SLC38A4: variants seen among roughly 807,000 people sequenced by gnomAD.
SLC38A4 encodes sodium-coupled neutral amino acid transporter 4.
Under a neutral mutation model 63.1 loss-of-function variants are expected in SLC38A4, and 20 were observed. That is an observed-to-expected ratio of 0.32 (90% CI 0.22 to 0.46). The LOEUF is 0.46. SLC38A4 is among the 20% of genes least tolerant of loss of function. SLC38A4 has a pLI of 1.00. For synonymous variants in SLC38A4, 230 were observed against 225.5 expected, an observed-to-expected ratio of 1.02 and a Z score of -0.18; for missense variants, 526 against 663.6, an observed-to-expected ratio of 0.79 and a Z score of 2.28.
intron 5 of SLC38A4, among the ~76,000 whole-genome samples, chr12:46,786,828 T>C (rs1205849796): frequency 6.6e-6 from 1 of 152,158 alleles, no homozygotes; most frequent in East Asian, 1.9e-4. Context: ...AGCTGTGTGA[T>C]TACTAATCAT....
At chr12:46,785,401 T>TTC (rs1286359666) in intron 5 of SLC38A4, among the ~76,000 whole-genome samples, 3 of 151,714 alleles carry the variant, frequency 2.0e-5, no homozygotes, top group Non-Finnish European at 4.4e-5. Flanking sequence ...GTCCCTAACT[T>TTC]TTTTAATGTT....
intron 2 of SLC38A4, among the ~76,000 whole-genome samples, chr12:46,796,278 G>A (rs3764027): frequency 0.053 from 7,984 of 151,616 alleles, 523 homozygotes; most frequent in East Asian, 0.26. Context: ...TTGTTTTATG[G>A]ATACTATATT....
chr12:46,785,313 T>A, intron 5 of SLC38A4, 136 bp from the exon 6 acceptor site: 1 of 681,450 alleles, frequency 1.5e-6, no homozygotes, highest in Non-Finnish European at 2.5e-6. Context: ...TGGGGGAGGC[T>A]GAGAAATTCT....
In SLC38A4 at chr12:46,787,951, G is replaced by A. The variant is rs564468243; in HGVS notation, c.291C>T (p.Ser97=). ...AIMGSGILGL[S]YAMANTGIIL... ...TGATCCCTGTGTTGGCCATGGCATA[G>A]GACAAGCCCAGGATCCCACTGCCCA... The change falls in exon 5 of 17, where the codon TCC becomes TCT. Residue 97 remains serine, a synonymous_variant. Transcript: ENST00000266579. The A allele has an allele frequency of 1.9e-6, 3 of 1,613,706 alleles. No homozygotes were observed. Among genetic ancestry groups the A allele is most frequent in the Admixed American group, 3.3e-5 (2 of 59,964 alleles).
chr12:46,827,572 A>G (rs140998487), upstream of SLC38A4, among the ~76,000 whole-genome samples: 17 of 152,330 alleles, frequency 1.1e-4, no homozygotes, highest in African/African-American at 3.8e-4. Flanking sequence ...TTTTAAAAAT[A>G]CATTTGTACT....
At chr12:46,820,653 G>A (rs951093945) in intron 1 of SLC38A4, among the ~76,000 whole-genome samples, 6 of 151,896 alleles carry the variant, frequency 4.0e-5, no homozygotes, top group African/African-American at 1.2e-4. Flanking sequence ...TGCAGGTATC[G>A]CTCTGAGATT....
At chr12:46,819,595 C>G (rs1165544520) in intron 1 of SLC38A4, among the ~76,000 whole-genome samples, 1 of 151,712 alleles carries the variant, frequency 6.6e-6, no homozygotes, top group East Asian at 1.9e-4. Flanking sequence ...TATATGATGA[C>G]TTAGATCGTC....
chr12:46,788,496 C>T (rs2302855), intron 4 of SLC38A4, 32 bp downstream of exon 4: 72,041 of 1,561,654 alleles, frequency 0.046, 4,609 homozygotes, highest in East Asian at 0.26. Flanking sequence ...CCCTCAGTCC[C>T]GTTTATTGCC....
In SLC38A4 at chr12:46,785,104, C is replaced by G. The variant is rs1229316722; in HGVS notation, c.400G>C (p.Gly134Arg). Residue 134 changes from glycine to arginine, a missense_variant and splice_region_variant, in exon 6 of 17, where the codon GGG becomes CGG. By Grantham distance (125) the Gly-to-Arg change is moderately radical (BLOSUM62 -2). Coordinates refer to ENST00000266579, the MANE Select transcript of SLC38A4 (RefSeq NM_018018.5). ...HLLLKTAKEG[G>R]SLIYEKLGEK... ...GTGTTGGACTCAAGTGGTAGCATAC[C>G]TCCTTCCTTGGCTGTTTTTAATAAA... 6 of 1,609,930 alleles carry G rather than the reference C, an allele frequency of 3.7e-6. No individual in the cohort carries two copies. The highest frequency in any genetic ancestry group is 1.3e-5 in the African/African-American group (1 of 74,772).
intron 7 of SLC38A4, among the ~76,000 whole-genome samples, chr12:46,784,320 A>G (rs1292560648): frequency 6.6e-6 from 1 of 152,152 alleles, no homozygotes; most frequent in Non-Finnish European, 1.5e-5. Flanking sequence ...TAATTCTAGA[A>G]TTCAATTGGC....
At chr12:46,814,063 A>G (rs1332945033) in intron 1 of SLC38A4, among the ~76,000 whole-genome samples, 1 of 152,064 alleles carries the variant, frequency 6.6e-6, no homozygotes, top group African/African-American at 2.4e-5. Flanking sequence ...AGACAAGGTT[A>G]TTGTGAGGGT....
chr12:46,806,534 A>G (rs1939236250), intron 1 of SLC38A4, among the ~76,000 whole-genome samples: 1 of 151,928 alleles, frequency 6.6e-6, no homozygotes, highest in Non-Finnish European at 1.5e-5. Context: ...GCAGAAGGAA[A>G]GGTAGATGGA....
chr12:46,820,068 A>G (rs1295083351), intron 1 of SLC38A4, among the ~76,000 whole-genome samples: 1 of 151,846 alleles, frequency 6.6e-6, no homozygotes, highest in East Asian at 1.9e-4. Context: ...TACATACTTA[A>G]TGTATACAAC....
chr12:46,787,655 CT>C (rs1309778929), intron 5 of SLC38A4, among the ~76,000 whole-genome samples: 1 of 152,132 alleles, frequency 6.6e-6, no homozygotes, highest in Non-Finnish European at 1.5e-5. Flanking sequence ...TGGGAAAGAT[CT>C]TTTTGGTTGC....
chr12:46,821,271 C>T (rs1189962699), intron 1 of SLC38A4, among the ~76,000 whole-genome samples: 1 of 151,958 alleles, frequency 6.6e-6, no homozygotes, highest in African/African-American at 2.4e-5. Context: ...TATGTTTTAT[C>T]CTAGGAGTTT....
rs1214304374 is a variant in SLC38A4, at chr12:46,809,919, A to G, written c.-304-6125T>C. On this transcript the variant is annotated intron_variant, in intron 1 of 16. Coordinates refer to ENST00000266579, the MANE Select transcript of SLC38A4 (RefSeq NM_018018.5). ...AATATTAGACTATGCCTCGTGCATA[A>G]TAGGTACTATATAAACACTGAATGA... 3.3e-5 allele frequency among the ~76,000 whole-genome samples: 5 copies of G among 152,026 alleles called. No homozygotes were observed. The East Asian group carries it at 9.7e-4, about 30-fold the overall frequency.
At chr12:46,791,554 T>G (rs1012727157) in intron 3 of SLC38A4, among the ~76,000 whole-genome samples, 6 of 152,294 alleles carry the variant, frequency 3.9e-5, no homozygotes, top group African/African-American at 1.4e-4. Context: ...AGCACAATAT[T>G]CTCTATTTCA....
chr12:46,775,308 G>T (rs146294063), intron 13 of SLC38A4, 135 bp from the exon 14 acceptor site: 87 of 1,051,422 alleles, frequency 8.3e-5, no homozygotes, highest in Admixed American at 6.0e-4. Flanking sequence ...CTCTGGTCTT[G>T]CCTCTGAGCT....
rs1278185485 is a variant in SLC38A4 at position 46,766,660 on chromosome 12, G to A, written c.*41C>T. On this transcript the variant is annotated 3_prime_UTR_variant, in exon 17 of 17. Coordinates refer to ENST00000266579, the MANE Select transcript of SLC38A4 (RefSeq NM_018018.5). Reference sequence around the variant, plus strand: ...TCAAATATCTTTTGGAGTATAACTTGTAACCATTTCCAATAGAAAAAGAAA... The same window carrying A: ...TCAAATATCTTTTGGAGTATAACTTATAACCATTTCCAATAGAAAAAGAAA... 1.6e-6 allele frequency: 2 copies of A among 1,261,816 alleles called. No individual in the cohort carries two copies. The highest frequency in any genetic ancestry group is 2.3e-6 in the Non-Finnish European group (2 of 867,960). The allele number at this position is 1,261,816 out of a possible 1,614,324, so 78.2% of individuals were successfully genotyped here.
Sources: allele counts gnomAD v4.1 joint callset (sites outside exome capture counted in the v4.1 genomes callset), GRCh38; gene constraint gnomAD v4.1.1; transcripts MANE v1.5; gene names NCBI Gene and HGNC (gene_info 2026-07-23, HGNC 2026-07-21).